Variants in LRRTM4 observed in about 807,000 individuals in gnomAD.
LRRTM4 encodes leucine-rich repeat transmembrane neuronal protein 4.
Under a neutral mutation model 47.6 loss-of-function variants are expected in LRRTM4, and 25 were observed. That is an observed-to-expected ratio of 0.53 (90% CI 0.38 to 0.73). LRRTM4 has a LOEUF of 0.73. LRRTM4 is among the 30% of genes least tolerant of loss of function. LRRTM4 has a pLI of 0.00. For synonymous variants in LRRTM4, 311 were observed against 269.5 expected (o/e 1.15, Z -1.51); for missense variants, 638 against 713.4 (o/e 0.89, Z 1.20).
intron 3 of LRRTM4, among the ~76,000 whole-genome samples, chr2:77,484,425 G>C (rs991519163): frequency 2.0e-5 from 3 of 152,164 alleles, no homozygotes; most frequent in East Asian, 3.8e-4. Context: ...CTAGTGGTCT[G>C]TATTTAAAGG....
intron 3 of LRRTM4, among the ~76,000 whole-genome samples, chr2:77,055,109 A>AC (rs1679559321): frequency 6.6e-6 from 1 of 152,162 alleles, no homozygotes; most frequent in Non-Finnish European, 1.5e-5. Flanking sequence ...TCCGCTACTT[A>AC]GAGTTACCAC....
chr2:77,098,328 A>G (rs1363463864), intron 3 of LRRTM4, among the ~76,000 whole-genome samples: 1 of 152,048 alleles, frequency 6.6e-6, no homozygotes, highest in Non-Finnish European at 1.5e-5. Context: ...AAGGGAAGGT[A>G]ACTGATAGTC....
intron 3 of LRRTM4, among the ~76,000 whole-genome samples, chr2:77,149,720 G>A (rs1573011012): frequency 6.6e-6 from 1 of 152,292 alleles, no homozygotes; most frequent in East Asian, 1.9e-4. Flanking sequence ...AGTTCTGAAT[G>A]TGCCTTGGCA....
intron 3 of LRRTM4, among the ~76,000 whole-genome samples, chr2:77,316,735 G>T (rs1573242232): frequency 1.3e-5 from 2 of 152,048 alleles, no homozygotes; most frequent in Non-Finnish European, 2.9e-5. Flanking sequence ...TTGTAGAGAT[G>T]GGGTTTTGTC....
intron 3 of LRRTM4, among the ~76,000 whole-genome samples, chr2:77,140,770 G>A (rs9712212): frequency 0.41 from 62,071 of 151,666 alleles, 15,583 homozygotes; most frequent in African/African-American, 0.72. Context: ...AACTCCAACA[G>A]ATTTACAAGA....
At chr2:77,234,719 G>A (rs1675057668) in intron 3 of LRRTM4, among the ~76,000 whole-genome samples, 1 of 152,092 alleles carries the variant, frequency 6.6e-6, no homozygotes, top group Non-Finnish European at 1.5e-5. Context: ...AATCTCTGGT[G>A]GATGGGACTT....
chr2:77,491,239 A>T (rs888906201), intron 3 of LRRTM4, among the ~76,000 whole-genome samples: 1 of 152,184 alleles, frequency 6.6e-6, no homozygotes, highest in South Asian at 2.1e-4. Context: ...TGCCTGAATG[A>T]GGAAGAATCA....
At chr2:77,248,505 A>G (rs1334048932) in intron 3 of LRRTM4, among the ~76,000 whole-genome samples, 1 of 152,152 alleles carries the variant, frequency 6.6e-6, no homozygotes, top group East Asian at 1.9e-4. Context: ...AATGCCAATC[A>G]AAATCCCAGA....
chr2:77,419,498 G>GT (rs1236968521), intron 3 of LRRTM4, among the ~76,000 whole-genome samples: 2 of 152,120 alleles, frequency 1.3e-5, no homozygotes, highest in African/African-American at 4.8e-5. Flanking sequence ...TTAACGCAAT[G>GT]TAAGTGCTAT....
intron 3 of LRRTM4, among the ~76,000 whole-genome samples, chr2:76,766,988 C>T (rs898970551): frequency 3.3e-5 from 5 of 152,202 alleles, no homozygotes; most frequent in African/African-American, 1.2e-4. Context: ...ACAGCTACAG[C>T]TCCTACCTAG....
In LRRTM4 at chr2:76,828,509, T is replaced by C. The variant is rs144826044; in HGVS notation, c.1552-79593A>G. Among the ~76,000 whole-genome samples, 319 of 151,992 alleles carry C rather than the reference T, an allele frequency of 2.1e-3. 1 individual carries two copies. Among genetic ancestry groups the C allele is most frequent in the African/African-American group, 7.0e-3 (289 of 41,510 alleles). On this transcript the variant is annotated intron_variant, in intron 3 of 3. Coordinates refer to ENST00000409884, the MANE Select transcript of LRRTM4 (RefSeq NM_001134745.3). ...CGAAAGCAAAAAATTCCTTTTCAAGTGTTAGTGTAATGCTGCCCTTTGAGA... is the reference window on the plus strand; with the variant it reads ...CGAAAGCAAAAAATTCCTTTTCAAGCGTTAGTGTAATGCTGCCCTTTGAGA...
At chr2:76,749,974 T>C (rs1672792749) in intron 3 of LRRTM4, among the ~76,000 whole-genome samples, 1 of 152,192 alleles carries the variant, frequency 6.6e-6, no homozygotes, top group Non-Finnish European at 1.5e-5. Flanking sequence ...AGTTCCCTTC[T>C]GTGGTTGCTT....
At chr2:77,348,773 TAGAA>T (rs1671657796) in intron 3 of LRRTM4, among the ~76,000 whole-genome samples, 1 of 125,102 alleles carries the variant, frequency 8.0e-6, no homozygotes, top group Non-Finnish European at 1.7e-5. Flanking sequence ...TAATAACAAA[TAGAA>T]AACATTAATA....
intron 3 of LRRTM4, among the ~76,000 whole-genome samples, chr2:77,250,176 T>C (rs1225806766): frequency 6.6e-6 from 1 of 151,938 alleles, no homozygotes; most frequent in African/African-American, 2.4e-5. Context: ...GGGAGGGAGG[T>C]ATACCATGGC....
intron 3 of LRRTM4, among the ~76,000 whole-genome samples, chr2:77,104,483 G>C (rs966655501): frequency 5.3e-5 from 8 of 152,044 alleles, no homozygotes; most frequent in African/African-American, 1.7e-4. Context: ...AATTTTTGTA[G>C]GTATTCCTTT....
intron 3 of LRRTM4, among the ~76,000 whole-genome samples, chr2:76,782,286 G>A (rs1263847590): frequency 6.6e-6 from 1 of 152,094 alleles, no homozygotes; most frequent in African/African-American, 2.4e-5. Flanking sequence ...ATCTTGAAAT[G>A]TCAGGCAACT....
intron 3 of LRRTM4, among the ~76,000 whole-genome samples, chr2:77,313,987 T>A (rs76028708): frequency 0.015 from 2,218 of 152,292 alleles, 47 homozygotes; most frequent in African/African-American, 0.049. Context: ...TTATGCCCAG[T>A]TTTGAACCAA....
chr2:76,749,428 T>G (rs543174471), intron 3 of LRRTM4, among the ~76,000 whole-genome samples: 98 of 152,266 alleles, frequency 6.4e-4, no homozygotes, highest in African/African-American at 2.2e-3. Context: ...ATTTGATACC[T>G]ATACACAATT....
chr2:76,933,145 G>T (rs114831135), intron 3 of LRRTM4, among the ~76,000 whole-genome samples: 40 of 152,138 alleles, frequency 2.6e-4, no homozygotes, highest in African/African-American at 9.4e-4. Context: ...TATCTAAATA[G>T]CACATTTTAA....
Sources: gnomAD v4.1 joint callset for allele counts (sites outside exome capture counted in the v4.1 genomes callset) on GRCh38, gnomAD v4.1.1 for gene constraint, MANE v1.5 for transcripts, NCBI Gene and HGNC (gene_info 2026-07-23, HGNC 2026-07-21) for gene names.